TBCK: variants seen among roughly 807,000 people sequenced by gnomAD.
TBCK encodes TBC domain-containing protein kinase-like protein.
Under a neutral mutation model 113.4 loss-of-function variants are expected in TBCK, and 99 were observed. The ratio of observed to expected loss-of-function variants is 0.87; its 90% CI spans 0.74 to 1.03. TBCK has a LOEUF of 1.03. Ranked by LOEUF, TBCK falls within the 50% of genes least tolerant of loss-of-function variation. The pLI is 0.00. For synonymous variants in TBCK, 369 were observed against 370.8 expected (o/e 1.00, Z 0.05); for missense variants, 1,045 against 1,061.3 (o/e 0.98, Z 0.21).
chr4:106,258,434 T>C (rs1762204425), intron 5 of TBCK, among the ~76,000 whole-genome samples: 1 of 152,102 alleles, frequency 6.6e-6, no homozygotes, highest in African/African-American at 2.4e-5. Flanking sequence ...CCTTAGCTGT[T>C]TGATCACTTT....
At chr4:106,135,421 C>CCAAATAATCTATAATTCAGATAGA (rs1337787999) in intron 23 of TBCK, among the ~76,000 whole-genome samples, 2 of 143,820 alleles carry the variant, frequency 1.4e-5, no homozygotes, top group South Asian at 2.3e-4. Flanking sequence ...GTCAGTCTGG[C>CCAAATAATCTATAATTCAGATAGA]TCTGGAGAAT....
rs60910287 is a variant in TBCK, at chr4:106,127,938, C to T, written c.2236-11560G>A. On this transcript the variant is annotated intron_variant, in intron 23 of 25. Transcript: ENST00000394708. ...GCCTTAAGCTAATATTTAAATCTGA[C>T]AAGGATAGCACTACACACACACACA... Among the ~76,000 whole-genome samples, 750 of 152,172 alleles carry T rather than the reference C, an allele frequency of 4.9e-3. 9 individuals are homozygous for T. The highest frequency in any genetic ancestry group is 0.014 in the African/African-American group (587 of 41,508).
chr4:106,176,980 C>G (rs917677738), intron 22 of TBCK, among the ~76,000 whole-genome samples: 12 of 146,012 alleles, frequency 8.2e-5, no homozygotes, highest in African/African-American at 2.8e-4. Flanking sequence ...TTTTTAAATA[C>G]AGGGTCTCAC....
At chr4:106,279,785 A>G (rs1349660680) in intron 3 of TBCK, among the ~76,000 whole-genome samples, 3 of 152,122 alleles carry the variant, frequency 2.0e-5, no homozygotes, top group African/African-American at 7.2e-5. Context: ...ATGGCTGAAT[A>G]GTACTCCATT....
At chr4:106,186,985 T>C (rs1367884745) in intron 22 of TBCK, among the ~76,000 whole-genome samples, 1 of 152,188 alleles carries the variant, frequency 6.6e-6, no homozygotes, top group Admixed American at 6.5e-5. Flanking sequence ...CACCATTTAC[T>C]GAATAGGGAA....
At chr4:106,108,041 C>G (rs1205812151) in intron 24 of TBCK, among the ~76,000 whole-genome samples, 1 of 152,024 alleles carries the variant, frequency 6.6e-6, no homozygotes, top group Non-Finnish European at 1.5e-5. Flanking sequence ...ATACACCCTC[C>G]GAAGACTGAG....
chr4:106,191,120 A>G (rs1753621325), intron 22 of TBCK, among the ~76,000 whole-genome samples: 1 of 152,180 alleles, frequency 6.6e-6, no homozygotes, highest in African/African-American at 2.4e-5. Flanking sequence ...TCTTGTCATT[A>G]TTCCCTAAAC....
intron 23 of TBCK, among the ~76,000 whole-genome samples, chr4:106,154,099 A>G (rs1748846506): frequency 6.6e-6 from 1 of 151,810 alleles, no homozygotes; most frequent in Non-Finnish European, 1.5e-5. Context: ...CCATTTTGTT[A>G]TTTGATTTCT....
At chr4:106,115,598 A>G (rs1743387644) in intron 24 of TBCK, among the ~76,000 whole-genome samples, 1 of 152,198 alleles carries the variant, frequency 6.6e-6, no homozygotes, top group Non-Finnish European at 1.5e-5. Context: ...TCTAGATTCT[A>G]GAAAATACAC....
chr4:106,268,544 A>G (rs1763190218), intron 3 of TBCK, among the ~76,000 whole-genome samples: 1 of 152,156 alleles, frequency 6.6e-6, no homozygotes, highest in Admixed American at 6.6e-5. Flanking sequence ...GATAGAATGT[A>G]TAATCTTTTA....
In TBCK at chr4:106,260,524, G is replaced by GAA; in HGVS notation, c.382-16_382-15dup. 1 of 874,576 alleles carries GAA rather than the reference G, an allele frequency of 1.1e-6. No homozygotes were observed. The highest frequency in any genetic ancestry group is 1.6e-6 in the Non-Finnish European group (1 of 618,396). The allele number at this position is 874,576 out of a possible 1,614,324, so 54.2% of individuals were successfully genotyped here. A position where few individuals can be genotyped will look rare whatever the true frequency, so the allele number is the denominator to read the frequency against. ...TTTAATATGTCCCTATGATAATAAAGAAAAAAAACACTATCAAATAATTTA... is the reference window on the plus strand; with the variant it reads ...TTTAATATGTCCCTATGATAATAAAGAAAAAAAAAACACTATCAAATAATTTA... On this transcript the variant is annotated splice_polypyrimidine_tract_variant and intron_variant, in intron 4 of 25. Coordinates refer to ENST00000394708, the MANE Select transcript of TBCK (RefSeq NM_001163435.3).
intron 22 of TBCK, among the ~76,000 whole-genome samples, chr4:106,183,793 T>C (rs565717696): frequency 1.7e-4 from 26 of 152,170 alleles, no homozygotes; most frequent in Non-Finnish European, 2.9e-4. Context: ...GTTCCAAACA[T>C]AGTATTTTTC....
chr4:106,168,523 G>A (rs1443610336), intron 23 of TBCK, among the ~76,000 whole-genome samples: 1 of 151,844 alleles, frequency 6.6e-6, no homozygotes, highest in African/African-American at 2.4e-5. Flanking sequence ...AATAAGAGGT[G>A]TACTAATTGG....
intron 11 of TBCK, among the ~76,000 whole-genome samples, chr4:106,243,819 G>T (rs1453372808): frequency 6.6e-6 from 1 of 152,050 alleles, no homozygotes; most frequent in East Asian, 1.9e-4. Context: ...TGCCTGAGTA[G>T]CTAGGACTAC....
At chr4:106,197,411 G>GTGTATATAT (rs35695611) in intron 20 of TBCK, among the ~76,000 whole-genome samples, 1 of 122,446 alleles carries the variant, frequency 8.2e-6, no homozygotes, top group Non-Finnish European at 1.7e-5. Flanking sequence ...GTGTGTGTGT[G>GTGTATATAT]TATATATATA....
chr4:106,253,221 C>CTA (rs1375763765), intron 5 of TBCK, among the ~76,000 whole-genome samples: 4 of 152,066 alleles, frequency 2.6e-5, no homozygotes, highest in African/African-American at 9.7e-5. Context: ...TATTTCTGAA[C>CTA]TTTATAACAC....
chr4:106,102,401 T>C (rs889340651), intron 24 of TBCK, among the ~76,000 whole-genome samples: 1 of 152,176 alleles, frequency 6.6e-6, no homozygotes, highest in African/African-American at 2.4e-5. Context: ...AGACTATTCA[T>C]AACACAAGCT....
At chr4:106,056,544 G>C (rs1342212304) in intron 25 of TBCK, among the ~76,000 whole-genome samples, 2 of 150,566 alleles carry the variant, frequency 1.3e-5, no homozygotes, top group Non-Finnish European at 3.0e-5. Flanking sequence ...TGTCAATTTA[G>C]GACTTGTCTT....
At chr4:106,162,150 C>T (rs182260570) in intron 23 of TBCK, among the ~76,000 whole-genome samples, 19 of 152,198 alleles carry the variant, frequency 1.2e-4, no homozygotes, top group African/African-American at 4.6e-4. Flanking sequence ...GCCAAAACAA[C>T]AGGGCTACAG....
Sources: gnomAD v4.1 joint callset for allele counts (sites outside exome capture counted in the v4.1 genomes callset) on GRCh38, gnomAD v4.1.1 for gene constraint, MANE v1.5 for transcripts, NCBI Gene and HGNC (gene_info 2026-07-23, HGNC 2026-07-21) for gene names.